Variants in AIM2 observed in about 807,000 individuals in gnomAD.
The protein encoded by AIM2 is absent in melanoma 2.
A neutral mutation model predicts 27.7 loss-of-function variants in AIM2; 30 were observed. That is an observed-to-expected ratio of 1.08 (90% CI 0.81 to 1.47). The LOEUF is 1.47. AIM2 is among the 40% of genes most tolerant of loss of function. The pLI is 0.00. For missense variants in AIM2, 358 were observed against 411.3 expected, an observed-to-expected ratio of 0.87 and a Z score of 1.12; for synonymous variants, 141 against 145.3, an observed-to-expected ratio of 0.97 and a Z score of 0.21.
Position 159,066,175 on chromosome 1 carries a change from T to C in AIM2, c.551A>G (p.Glu184Gly), listed in dbSNP as rs368263314. ...QEMFHATVAT[E>G]KEFFFVKVFN... ...AACTTTTACAAAGAAGAATTCCTTT[T>C]CTGTAGCCACTGTAGCATGAAACAT... Residue 184 changes from glutamate to glycine, a missense_variant, in exon 4 of 6, where the codon GAA becomes GGA. By Grantham distance (98) the Glu-to-Gly change is moderately conservative. Coordinates refer to ENST00000368130, the MANE Select transcript of AIM2 (RefSeq NM_004833.3). The C allele has an allele frequency of 2.6e-5, 42 of 1,614,116 alleles. No individual in the cohort carries two copies. Among genetic ancestry groups the C allele is most frequent in the East Asian group, 2.4e-4 (11 of 44,898 alleles).
At chr1:159,101,779 C>A (rs1371876171) in intron 1 of AIM2, among the ~76,000 whole-genome samples, 1 of 152,138 alleles carries the variant, frequency 6.6e-6, no homozygotes, top group Non-Finnish European at 1.5e-5. Context: ...ATCTGTGGAA[C>A]TTTGAACTTA....
At chr1:159,108,895 G>T (rs558056316) in intron 1 of AIM2, among the ~76,000 whole-genome samples, 1 of 152,048 alleles carries the variant, frequency 6.6e-6, no homozygotes, top group Non-Finnish European at 1.5e-5. Context: ...AATCATAGAC[G>T]ACACACACAA....
At chr1:159,106,429 T>C (rs1657448786) in intron 1 of AIM2, among the ~76,000 whole-genome samples, 1 of 152,256 alleles carries the variant, frequency 6.6e-6, no homozygotes, top group Non-Finnish European at 1.5e-5. Flanking sequence ...GTTCAATATA[T>C]GTTACCTATT....
At chr1:159,068,491 C>G (rs776564882) in intron 3 of AIM2, 77 bp downstream of exon 3, 8 of 1,507,884 alleles carry the variant, frequency 5.3e-6, no homozygotes, top group Non-Finnish European at 7.1e-6. Context: ...AGATAAAGAA[C>G]AGAGAACAAT....
chr1:159,078,376 G>A (rs978133753), upstream of AIM2, among the ~76,000 whole-genome samples: 1 of 152,198 alleles, frequency 6.6e-6, no homozygotes, highest in Non-Finnish European at 1.5e-5. Flanking sequence ...GTGAATGCAT[G>A]AATGAGTGGA....
Position 159,066,041 on chromosome 1 carries a change from C to G in AIM2, c.685G>C (p.Asp229His). 1 of 1,614,160 alleles carries G rather than the reference C, an allele frequency of 6.2e-7. No individual in the cohort carries two copies. The highest frequency in any genetic ancestry group is 8.5e-7 in the Non-Finnish European group (1 of 1,180,024). The change falls in exon 4 of 6, where the codon GAT (aspartate) becomes CAT (histidine). Residue 229 changes from aspartate (D) to histidine (H), a missense_variant. Coordinates refer to ENST00000368130, the MANE Select transcript of AIM2 (RefSeq NM_004833.3). ...LEVNSASRVL[D>H]AESDQKVNVP... ...TTAACCTTTTGGTCAGATTCAGCAT[C>G]TAACACACGTGAGGCGCTATTTACC...
chr1:159,075,634 A>AGC (rs1383133784), intron 1 of AIM2, among the ~76,000 whole-genome samples: 204 of 150,864 alleles, frequency 1.4e-3, no homozygotes, highest in African/African-American at 4.7e-3. Context: ...AGAGAGAGAG[A>AGC]GCTAATAGAG....
intron 1 of AIM2, among the ~76,000 whole-genome samples, chr1:159,109,176 C>G (rs374443335): frequency 5.9e-5 from 9 of 151,732 alleles, no homozygotes; most frequent in African/African-American, 2.2e-4. Flanking sequence ...AAACAGCATA[C>G]CAGTACAGCA....
intron 1 of AIM2, among the ~76,000 whole-genome samples, chr1:159,084,830 CACAT>C (rs1656869318): frequency 6.7e-6 from 1 of 148,822 alleles, no homozygotes; most frequent in African/African-American, 2.5e-5. Context: ...GACACACACA[CACAT>C]CCCTCAGAGA....
intron 1 of AIM2, among the ~76,000 whole-genome samples, chr1:159,089,110 T>C (rs1479457679): frequency 6.6e-6 from 1 of 152,210 alleles, no homozygotes; most frequent in Non-Finnish European, 1.5e-5. Context: ...GGTTAAGGAC[T>C]GTCATTTGTA....
upstream of AIM2, among the ~76,000 whole-genome samples, chr1:159,140,925 A>T (rs780934864): frequency 7.2e-5 from 11 of 152,242 alleles, no homozygotes; most frequent in Non-Finnish European, 1.6e-4. Context: ...CACAGTAAAT[A>T]GCATTTAAGT....
chr1:159,136,892 G>C (rs935694519), intron 1 of AIM2, among the ~76,000 whole-genome samples: 2 of 152,166 alleles, frequency 1.3e-5, no homozygotes, highest in African/African-American at 4.8e-5. Flanking sequence ...TAGGTGGACT[G>C]TTACAAAACC....
chr1:159,146,024 T>C (rs1648195671), intron 1 of AIM2, among the ~76,000 whole-genome samples: 1 of 151,666 alleles, frequency 6.6e-6, no homozygotes, highest in Admixed American at 6.6e-5. Context: ...GAGAATCACT[T>C]GAACCTGGGA....
At chr1:159,083,467 C>T (rs1269279703) in intron 1 of AIM2, among the ~76,000 whole-genome samples, 1 of 152,130 alleles carries the variant, frequency 6.6e-6, no homozygotes, top group East Asian at 1.9e-4. Context: ...TCTTTATTAT[C>T]ATCCTTGTAA....
intron 2 of AIM2, among the ~76,000 whole-genome samples, chr1:159,071,762 G>T (rs1440086660): frequency 6.6e-6 from 1 of 152,178 alleles, no homozygotes; most frequent in Non-Finnish European, 1.5e-5. Context: ...CACCCGCCTT[G>T]GCCTCCCAAA....
At chr1:159,108,948 T>C (rs1282346415) in intron 1 of AIM2, among the ~76,000 whole-genome samples, 2 of 152,106 alleles carry the variant, frequency 1.3e-5, no homozygotes, top group East Asian at 3.8e-4. Flanking sequence ...GAATTAAAAT[T>C]GTGAAAATGA....
At chr1:159,146,124 A>G (rs1648197724) in intron 1 of AIM2, among the ~76,000 whole-genome samples, 1 of 151,540 alleles carries the variant, frequency 6.6e-6, no homozygotes, top group Non-Finnish European at 1.5e-5. Context: ...AAAAAAAAAG[A>G]ATTCTAGAGA....
intron 1 of AIM2, among the ~76,000 whole-genome samples, chr1:159,134,975 G>C (rs1409946238): frequency 1.3e-5 from 2 of 152,144 alleles, no homozygotes; most frequent in Non-Finnish European, 2.9e-5. Context: ...TTCAAGTCAA[G>C]AGACACTTCC....
At chr1:159,088,476 T>C (rs150684826) in intron 1 of AIM2, among the ~76,000 whole-genome samples, 40 of 152,298 alleles carry the variant, frequency 2.6e-4, no homozygotes, top group Non-Finnish European at 5.3e-4. Context: ...AGGCAAATGA[T>C]GTTCCTCCAC....
Sources: gnomAD v4.1 joint callset for allele counts (sites outside exome capture counted in the v4.1 genomes callset) on GRCh38, gnomAD v4.1.1 for gene constraint, MANE v1.5 for transcripts, NCBI Gene and HGNC (gene_info 2026-07-23, HGNC 2026-07-21) for gene names.